The following KATNIP variants were observed in gnomAD, a reference collection of about 807,000 sequenced individuals.
The protein encoded by KATNIP is katanin-interacting protein.
Under a neutral mutation model 174.0 loss-of-function variants are expected in KATNIP, and 126 were observed. The observed-to-expected ratio is 0.72, with a 90% CI of 0.63 to 0.84. KATNIP has a LOEUF of 0.84. Among genes scored for constraint, KATNIP ranks in the 40% least tolerant of loss-of-function variants. The pLI is 0.00. For missense variants in KATNIP, 1,958 were observed against 2,109.7 expected, an observed-to-expected ratio of 0.93 and a Z score of 1.41; for synonymous variants, 810 against 835.7, an observed-to-expected ratio of 0.97 and a Z score of 0.53.
At chr16:27,742,457 C>T (rs1157596487) in intron 15 of KATNIP, among the ~76,000 whole-genome samples, 1 of 152,206 alleles carries the variant, frequency 6.6e-6, no homozygotes, top group Non-Finnish European at 1.5e-5. Flanking sequence ...TTTCCATCCA[C>T]AGAACACTCA....
chr16:27,754,689 A>G (rs1304886803), intron 18 of KATNIP: 1 of 155,588 alleles, frequency 6.4e-6, no homozygotes, highest in Non-Finnish European at 1.4e-5. Flanking sequence ...ACCTGCATCC[A>G]CTCTGCCCCG....
Position 27,677,917 on chromosome 16 carries a change from C to G in KATNIP, c.729C>G (p.His243Gln). Residue 243 changes from histidine to glutamine, a missense_variant, in exon 7 of 28, where the codon CAC (histidine) becomes CAG (glutamine). Around this residue, in one of 3 missense-constraint regions of KATNIP, gnomAD observed 1,557 missense variants for 1,617.8 expected, o/e 0.96. Coordinates refer to ENST00000261588, the MANE Select transcript of KATNIP (RefSeq NM_015202.5). The stretch of plus-strand genomic sequence containing the variant: ...GCGACTGGACTCAGAAAGATGTTCA[C>G]GGGGAACAGGAGACAGAAGGACGCT... ...SSGDWTQKDVHGEQETEGRSS... is the reference protein window; with the variant it reads ...SSGDWTQKDVQGEQETEGRSS... The G allele has an allele frequency of 1.9e-6, 3 of 1,614,162 alleles. No individual in the cohort carries two copies. Among genetic ancestry groups the G allele is most frequent in the Non-Finnish European group, 2.5e-6 (3 of 1,180,032 alleles).
chr16:27,699,674 A>G, intron 10 of KATNIP, 75 bp downstream of exon 10: 1 of 1,601,052 alleles, frequency 6.2e-7, no homozygotes, highest in Non-Finnish European at 8.5e-7. Context: ...GCAGAGATGA[A>G]TGACAAAGCC....
intron 1 of KATNIP, among the ~76,000 whole-genome samples, chr16:27,572,300 C>T (rs1396266377): frequency 6.7e-6 from 1 of 150,136 alleles, no homozygotes; most frequent in Admixed American, 6.7e-5. Context: ...TACAGTGGTA[C>T]ATTATGCTGG....
intron 1 of KATNIP, among the ~76,000 whole-genome samples, chr16:27,553,620 G>T (rs911065564): frequency 3.9e-5 from 6 of 151,976 alleles, no homozygotes; most frequent in African/African-American, 1.5e-4. Flanking sequence ...TTCAAGACCA[G>T]CTTCGTCAAC....
At chr16:27,565,414 C>T (rs186018608) in intron 1 of KATNIP, among the ~76,000 whole-genome samples, 3 of 144,356 alleles carry the variant, frequency 2.1e-5, no homozygotes, top group Admixed American at 1.4e-4. Context: ...TGCAGTGAGG[C>T]GAGATTGCGC....
At position 27,628,842 on chromosome 16, in the gene KATNIP, C is replaced by T. The variant is rs780550121; in HGVS notation, c.310+12C>T. ...GGAGGGGACACACGGTGAGCACAGG[C>T]CCTCCAGGCTGAGTCTCAGCTCTGT... On this transcript the variant is annotated intron_variant, in intron 4 of 27. Coordinates refer to ENST00000261588, the MANE Select transcript of KATNIP (RefSeq NM_015202.5). 6.2e-7 allele frequency: 1 copy of T among 1,613,480 alleles called. No individual in the cohort carries two copies. The highest frequency in any genetic ancestry group is 8.5e-7 in the Non-Finnish European group (1 of 1,179,644).
chr16:27,624,691 G>A (rs1596975266), intron 3 of KATNIP, among the ~76,000 whole-genome samples: 2 of 152,036 alleles, frequency 1.3e-5, no homozygotes, highest in Admixed American at 6.6e-5. Context: ...GTGGTGGCAC[G>A]CACCTGTAGT....
chr16:27,759,898 G>A (rs1206166621), intron 18 of KATNIP, among the ~76,000 whole-genome samples: 2 of 152,216 alleles, frequency 1.3e-5, no homozygotes, highest in African/African-American at 2.4e-5. Flanking sequence ...TGAATGATGC[G>A]GCGAGAAGCC....
chr16:27,647,693 T>C (rs1041408494), intron 5 of KATNIP, among the ~76,000 whole-genome samples: 2 of 152,172 alleles, frequency 1.3e-5, no homozygotes, highest in Admixed American at 1.3e-4. Flanking sequence ...TTAGTAGAGA[T>C]GGGGTTTCTC....
intron 24 of KATNIP, among the ~76,000 whole-genome samples, chr16:27,775,861 C>T (rs980527000): frequency 6.6e-6 from 1 of 152,162 alleles, no homozygotes; most frequent in Non-Finnish European, 1.5e-5. Flanking sequence ...ACAGCATCAG[C>T]AATTCTATGA....
chr16:27,704,681 A>T (rs1338652243), intron 12 of KATNIP, among the ~76,000 whole-genome samples: 2 of 152,162 alleles, frequency 1.3e-5, no homozygotes, highest in Non-Finnish European at 2.9e-5. Flanking sequence ...GTATAAAAGG[A>T]TGGAAGCTAT....
rs1223055470 is a variant in KATNIP, at chr16:27,721,543, T to C, written c.1606-15T>C. 2 of 1,613,952 alleles carry C rather than the reference T, an allele frequency of 1.2e-6. No individual in the cohort carries two copies. The highest frequency in any genetic ancestry group is 1.3e-5 in the African/African-American group (1 of 74,924). ...AAATGTGCCTAATGATTTCCTTCTC[T>C]TGCTGGCCTTCTAGGGCAAGAAAGA... On this transcript the variant is annotated splice_polypyrimidine_tract_variant and intron_variant, in intron 13 of 27. Transcript: ENST00000261588.
intron 2 of KATNIP, among the ~76,000 whole-genome samples, chr16:27,588,230 G>A (rs1466684861): frequency 1.3e-5 from 2 of 151,686 alleles, no homozygotes; most frequent in Non-Finnish European, 2.9e-5. Flanking sequence ...TTCAGAAATA[G>A]GACCATACTA....
Position 27,698,342 on chromosome 16 carries a change from CGA to C in KATNIP, c.962_963del (p.Arg321ThrfsTer13). Reference sequence around the variant, plus strand: ...TCTGCCCTCAGGACCTGGAAGCCGGCGAGAGAGACCCCTGTCTGCAACCCGCA... The same window carrying C: ...TCTGCCCTCAGGACCTGGAAGCCGGCGAGAGACCCCTGTCTGCAACCCGCA... Reference protein sequence around the residue: ...ERMCSRPGSRRERPLSATRKT... With the variant: ...ERMCSRPGSRXERPLSATRKT... On this transcript the variant is annotated frameshift_variant, in exon 9 of 28. Coordinates refer to ENST00000261588, the MANE Select transcript of KATNIP (RefSeq NM_015202.5). LOFTEE classifies it high-confidence loss of function. The C allele has an allele frequency of 1.2e-6, 2 of 1,609,272 alleles. No homozygotes were observed. Among genetic ancestry groups the C allele is most frequent in the Non-Finnish European group, 1.7e-6 (2 of 1,177,170 alleles).
At chr16:27,595,656 A>T (rs2141895145) in intron 2 of KATNIP, among the ~76,000 whole-genome samples, 1 of 152,338 alleles carries the variant, frequency 6.6e-6, no homozygotes, top group African/African-American at 2.4e-5. Context: ...CAGTGAACAA[A>T]ATAAACACAA....
intron 6 of KATNIP, among the ~76,000 whole-genome samples, chr16:27,664,137 C>T (rs1020874673): frequency 1.3e-5 from 2 of 152,148 alleles, no homozygotes; most frequent in African/African-American, 4.8e-5. Flanking sequence ...GGAGAGTTTT[C>T]CCAAACGTTC....
At position 27,775,390 on chromosome 16, in the gene KATNIP, C is replaced by G. The variant is rs537123007; in HGVS notation, c.4449+306C>G. Reference sequence around the variant, plus strand: ...GGCGTCCTGGGTCCCTGCAGGCAGCCCTCTCTGGTTCTCTGCTCTGCCTGG... The same window carrying G: ...GGCGTCCTGGGTCCCTGCAGGCAGCGCTCTCTGGTTCTCTGCTCTGCCTGG... On this transcript the variant is annotated intron_variant, in intron 24 of 27. Coordinates refer to ENST00000261588, the MANE Select transcript of KATNIP (RefSeq NM_015202.5). Among the ~76,000 whole-genome samples, 77 of 152,342 alleles carry G rather than the reference C, an allele frequency of 5.1e-4. 1 individual carries two copies. Among genetic ancestry groups the G allele is most frequent in the African/African-American group, 1.8e-3 (74 of 41,586 alleles).
At chr16:27,566,308 G>A (rs976990598) in intron 1 of KATNIP, among the ~76,000 whole-genome samples, 1 of 152,170 alleles carries the variant, frequency 6.6e-6, no homozygotes, top group Non-Finnish European at 1.5e-5. Flanking sequence ...GGAGGCCAAG[G>A]CAGGCAGATC....
Sources: gnomAD v4.1 joint callset for allele counts (sites outside exome capture counted in the v4.1 genomes callset) on GRCh38, gnomAD v4.1.1 for gene constraint, gnomAD v4.1.1 regional missense constraint, MANE v1.5 for transcripts, NCBI Gene and HGNC (gene_info 2026-07-23, HGNC 2026-07-21) for gene names.